Variants in RGS12 observed in about 807,000 individuals in gnomAD.
RGS12 encodes the protein regulator of G protein signaling 12, also known as regulator of G-protein signaling 12.
In RGS12, 66 loss-of-function variants were observed where a neutral mutation model predicts 120.1. That is an observed-to-expected ratio of 0.55 (90% CI 0.45 to 0.67). RGS12 has a LOEUF of 0.67. Ranked by LOEUF, RGS12 falls within the 30% of genes least tolerant of loss-of-function variation. RGS12 has a pLI of 0.00. For synonymous variants in RGS12, 827 were observed against 804.7 expected, an observed-to-expected ratio of 1.03 and a Z score of -0.47; for missense variants, 1,859 against 1,957.7, an observed-to-expected ratio of 0.95 and a Z score of 0.95.
At chr4:3,333,554 A>G (rs555872562) in intron 2 of RGS12, among the ~76,000 whole-genome samples, 12 of 152,224 alleles carry the variant, frequency 7.9e-5, no homozygotes, top group Non-Finnish European at 1.6e-4. Flanking sequence ...GACGAAAGTT[A>G]ACTTTTTTCT....
rs1379682176 is a variant in RGS12 at position 3,317,500 on chromosome 4, G to A, written c.1330G>A (p.Gly444Ser). The A allele has an allele frequency of 6.2e-7, 1 of 1,613,362 alleles. No individual in the cohort carries two copies. Among genetic ancestry groups the A allele is most frequent in the Admixed American group, 1.7e-5 (1 of 60,026 alleles). Residue 444 changes from glycine (G) to serine (S), a missense_variant, in exon 2 of 18, where the codon GGT (glycine) becomes AGT (serine). Transcript: ENST00000336727. ...CAACCGGGTCCTTGTGGTGGACCTG[G>A]GTGGGAGCTCGAGCAGACACGGCCC... ...KSNRVLVVDL[G>S]GSSSRHGPGG...
At chr4:3,431,781 G>A in intron 17 of RGS12, 1 of 985,748 alleles carries the variant, frequency 1.0e-6, no homozygotes, top group Non-Finnish European at 1.2e-6. Flanking sequence ...CACCTCTGCT[G>A]TGGTTTGCTG....
At chr4:3,418,747 G>T (rs1003775472) in intron 9 of RGS12, 2 of 152,196 alleles carry the variant, frequency 1.3e-5, no homozygotes, top group Admixed American at 1.3e-4. Context: ...CACCTTTGTC[G>T]GAGGCCACCT....
intron 2 of RGS12, among the ~76,000 whole-genome samples, chr4:3,331,747 T>C (rs560581793): frequency 6.6e-6 from 1 of 152,260 alleles, no homozygotes; most frequent in African/African-American, 2.4e-5. Context: ...CGCACTGCTC[T>C]CCATCCCCAG....
chr4:3,398,004 T>C (rs1720214009), intron 4 of RGS12, among the ~76,000 whole-genome samples: 1 of 152,212 alleles, frequency 6.6e-6, no homozygotes, highest in Non-Finnish European at 1.5e-5. Context: ...ATTTCTCTCA[T>C]CTGTAAAATG....
At chr4:3,343,357 T>G (rs925716371) in intron 3 of RGS12, among the ~76,000 whole-genome samples, 1 of 152,224 alleles carries the variant, frequency 6.6e-6, no homozygotes, top group Non-Finnish European at 1.5e-5. Context: ...GGGCCTGTCA[T>G]TGCCCCCTTA....
At chr4:3,420,526 GT>G in intron 9 of RGS12, 115 bp from the exon 10 acceptor site, 1 of 941,554 alleles carries the variant, frequency 1.1e-6, no homozygotes, top group South Asian at 1.4e-5. Context: ...TGGGGGATGG[GT>G]GGGGGGGGCT....
intron 5 of RGS12, 28 bp downstream of exon 5, chr4:3,414,269 G>T: frequency 2.6e-6 from 4 of 1,517,540 alleles, no homozygotes; most frequent in Non-Finnish European, 3.5e-6. Context: ...CAGGAGCAGC[G>T]GAGCGGTCTG....
intron 1 of RGS12, among the ~76,000 whole-genome samples, chr4:3,294,156 C>A (rs1399629914): frequency 6.6e-6 from 1 of 152,282 alleles, no homozygotes; most frequent in Non-Finnish European, 1.5e-5. Context: ...CTAAGAGTGT[C>A]TTTGTCTGAA....
intron 1 of RGS12, among the ~76,000 whole-genome samples, chr4:3,309,467 G>A (rs369043362): frequency 6.5e-5 from 8 of 122,240 alleles, no homozygotes; most frequent in Admixed American, 2.5e-4. Context: ...GCAGGTGTCC[G>A]CTGAGGGGAA....
At chr4:3,407,315 C>G (rs886684768) in intron 4 of RGS12, 2 of 152,264 alleles carry the variant, frequency 1.3e-5, no homozygotes, top group African/African-American at 4.8e-5. Flanking sequence ...GTTGGCTTCC[C>G]ATCCGTGAGC....
intron 4 of RGS12, among the ~76,000 whole-genome samples, chr4:3,400,205 T>C (rs901894933): frequency 6.6e-6 from 1 of 152,258 alleles, no homozygotes; most frequent in African/African-American, 2.4e-5. Context: ...AATTGAATTA[T>C]TGGCCAGTTT....
At chr4:3,338,752 C>T (rs1712756114) in intron 2 of RGS12, among the ~76,000 whole-genome samples, 1 of 152,208 alleles carries the variant, frequency 6.6e-6, no homozygotes, top group Non-Finnish European at 1.5e-5. Context: ...TCTTCTCAGA[C>T]AGTCGTGAGG....
At chr4:3,434,856 C>T (rs527311950) in intron 17 of RGS12, among the ~76,000 whole-genome samples, 5 of 152,334 alleles carry the variant, frequency 3.3e-5, no homozygotes, top group South Asian at 2.1e-4. Context: ...GGCTGCAAGG[C>T]GACAGTCAGG....
rs112660178 is a variant in RGS12 at position 3,387,703 on chromosome 4, C to T, written c.2020+1266C>T. Among the ~76,000 whole-genome samples, 21 of 152,282 alleles carry T rather than the reference C, an allele frequency of 1.4e-4. 1 individual carries two copies. Among genetic ancestry groups the T allele is most frequent in the African/African-American group, 4.8e-4 (20 of 41,548 alleles). On this transcript the variant is annotated intron_variant, in intron 4 of 17. Coordinates refer to ENST00000336727, the MANE Select transcript of RGS12 (RefSeq NM_001394154.1). ...AAGAAACAGGACCCGGAACCAAATC[C>T]AGGATAAAGTGACCGGTGTTTTGAA... is the stretch of plus-strand genomic sequence containing the variant.
At chr4:3,325,933 G>A (rs543424409) in intron 2 of RGS12, among the ~76,000 whole-genome samples, 187 of 152,226 alleles carry the variant, frequency 1.2e-3, no homozygotes, top group Non-Finnish European at 2.0e-3. Flanking sequence ...AAAACCATAT[G>A]ACCATCTCAA....
intron 4 of RGS12, among the ~76,000 whole-genome samples, chr4:3,411,870 G>C (rs756243528): frequency 6.6e-6 from 1 of 152,266 alleles, no homozygotes; most frequent in Non-Finnish European, 1.5e-5. Context: ...CCTGTCCTGC[G>C]TGTGAGCGCT....
chr4:3,358,859 C>T (rs889407076), intron 3 of RGS12, among the ~76,000 whole-genome samples: 1 of 147,754 alleles, frequency 6.8e-6, no homozygotes, highest in Non-Finnish European at 1.5e-5. Context: ...CCTCCTTCCC[C>T]TCCTCCGCCT....
At chr4:3,368,162 G>A (rs530170421) in intron 3 of RGS12, among the ~76,000 whole-genome samples, 14 of 152,266 alleles carry the variant, frequency 9.2e-5, no homozygotes, top group Admixed American at 6.5e-4. Context: ...CTCTGCTCCC[G>A]CCTGGAGACC....
Sources: gnomAD v4.1 joint callset for allele counts (sites outside exome capture counted in the v4.1 genomes callset) on GRCh38, gnomAD v4.1.1 for gene constraint, MANE v1.5 for transcripts, NCBI Gene and HGNC (gene_info 2026-07-23, HGNC 2026-07-21) for gene names.